WAPL: variants seen among roughly 807,000 people sequenced by gnomAD.
WAPL encodes the protein wings apart-like protein homolog.
Under a neutral mutation model 121.0 loss-of-function variants are expected in WAPL, and 5 were observed. The ratio of observed to expected loss-of-function variants is 0.04; its 90% CI spans 0.02 to 0.09. The LOEUF is 0.09. Among genes scored for constraint, WAPL ranks in the 10% least tolerant of loss-of-function variants. WAPL has a pLI of 1.00. For synonymous variants in WAPL, 480 were observed against 481.5 expected (o/e 1.00, Z 0.04); for missense variants, 999 against 1,410.8 (o/e 0.71, Z 4.68).
intron 4 of WAPL, among the ~76,000 whole-genome samples, chr10:86,493,713 G>T: frequency 6.7e-6 from 1 of 148,812 alleles, no homozygotes; most frequent in East Asian, 2.0e-4. Flanking sequence ...TTTTTTTTAA[G>T]AGATGGGGCC....
At chr10:86,492,495 T>C (rs867227779) in intron 4 of WAPL, among the ~76,000 whole-genome samples, 2 of 152,142 alleles carry the variant, frequency 1.3e-5, no homozygotes, top group African/African-American at 4.8e-5. Flanking sequence ...ATCACAACCT[T>C]AACTAGGTGG....
Position 86,473,967 on chromosome 10 carries a change from T to G in WAPL, c.1651A>C (p.Thr551Pro), listed in dbSNP as rs769867439. ...TGTCTGGCATTATATACAGCTTTTGTGGGTGACTAGAGAAATGAGAGAAAG... is the reference window on the plus strand; with the variant it reads ...TGTCTGGCATTATATACAGCTTTTGGGGGTGACTAGAGAAATGAGAGAAAG... ...KIFSGPKRSP[T>P]KAVYNARHWN... is the part of the protein sequence containing the mutation. The change falls in exon 5 of 19, where the codon ACA becomes CCA. Residue 551 changes from threonine (T) to proline (P), a missense_variant. Transcript: ENST00000298767. The G allele has an allele frequency of 6.2e-7, 1 of 1,613,742 alleles. No individual in the cohort carries two copies. Among genetic ancestry groups the G allele is most frequent in the Non-Finnish European group, 8.5e-7 (1 of 1,179,746 alleles).
intron 16 of WAPL, among the ~76,000 whole-genome samples, chr10:86,444,553 AAAG>A (rs1349074142): frequency 1.3e-5 from 2 of 152,214 alleles, no homozygotes; most frequent in Non-Finnish European, 2.9e-5. Context: ...CTGCTGGCTG[AAAG>A]AAGCCAGTCA....
intron 9 of WAPL, among the ~76,000 whole-genome samples, chr10:86,464,175 TCTA>T (rs1330061022): frequency 6.6e-6 from 1 of 152,130 alleles, no homozygotes; most frequent in African/African-American, 2.4e-5. Context: ...ACACAGTAAA[TCTA>T]CTGTACAATT....
chr10:86,518,952 C>T (rs1166677282), intron 1 of WAPL, among the ~76,000 whole-genome samples: 2 of 152,156 alleles, frequency 1.3e-5, no homozygotes, highest in African/African-American at 2.4e-5. Context: ...TATCCTTATC[C>T]TATCTGCCTT....
intron 3 of WAPL, among the ~76,000 whole-genome samples, chr10:86,497,618 G>A (rs760788905): frequency 3.6e-4 from 55 of 152,096 alleles, no homozygotes; most frequent in Admixed American, 7.9e-4. Flanking sequence ...TCTTACTTCC[G>A]AGAGGTCACA....
At chr10:86,444,253 A>G (rs994006303) in intron 16 of WAPL, among the ~76,000 whole-genome samples, 1 of 152,220 alleles carries the variant, frequency 6.6e-6, no homozygotes, top group Non-Finnish European at 1.5e-5. Flanking sequence ...ATGGGAATGT[A>G]AAATAGTGCA....
intron 12 of WAPL, among the ~76,000 whole-genome samples, chr10:86,457,048 CA>C (rs1453848157): frequency 6.6e-6 from 1 of 151,926 alleles, no homozygotes; most frequent in East Asian, 1.9e-4. Flanking sequence ...ATGAAGTATA[CA>C]AAAGAGATAT....
chr10:86,464,743 T>A lies in WAPL; in HGVS notation c.2370+2536A>T, dbSNP rs6586014. Reference sequence around the variant, plus strand: ...CCCAGCTATTCAAGAGGCTGATGCATGAGAATCATTTGAACCTGGGAGGTA... The same window carrying A: ...CCCAGCTATTCAAGAGGCTGATGCAAGAGAATCATTTGAACCTGGGAGGTA... On this transcript the variant is annotated intron_variant, in intron 9 of 18. Transcript: ENST00000298767. 4.6e-5 allele frequency among the ~76,000 whole-genome samples: 7 copies of A among 152,318 alleles called. No homozygotes were observed. In the South Asian group the frequency reaches 1.5e-3, roughly 32 times the overall value.
chr10:86,459,930 A>G (rs868632848), intron 11 of WAPL, among the ~76,000 whole-genome samples: 2 of 152,192 alleles, frequency 1.3e-5, no homozygotes, highest in South Asian at 4.1e-4. Context: ...CCTGGCCAAC[A>G]TGGCAAAACC....
chr10:86,500,830 A>G (rs1842234903), intron 2 of WAPL, 87 bp from the exon 3 acceptor site: 1 of 1,107,130 alleles, frequency 9.0e-7, no homozygotes, highest in South Asian at 1.7e-5. Flanking sequence ...TCAATAGTAT[A>G]TGATCAATCT....
At chr10:86,509,430 A>T (rs748574865) in intron 2 of WAPL, among the ~76,000 whole-genome samples, 2 of 152,148 alleles carry the variant, frequency 1.3e-5, no homozygotes, top group Non-Finnish European at 2.9e-5. Flanking sequence ...CCCAGGTTAA[A>T]TATCAGCCTT....
intron 4 of WAPL, among the ~76,000 whole-genome samples, chr10:86,492,385 T>A (rs1026412317): frequency 6.6e-6 from 1 of 152,150 alleles, no homozygotes; most frequent in African/African-American, 2.4e-5. Flanking sequence ...AAGACAATAA[T>A]GGGGAACAGG....
At chr10:86,520,765 T>G (rs1842659127) in intron 1 of WAPL, among the ~76,000 whole-genome samples, 1 of 67,060 alleles carries the variant, frequency 1.5e-5, no homozygotes, top group Admixed American at 1.4e-4. Context: ...GCGCTGTGAT[T>G]TAAAAAAAAA....
intron 2 of WAPL, among the ~76,000 whole-genome samples, chr10:86,515,060 G>C (rs1012530906): frequency 3.3e-5 from 5 of 152,080 alleles, no homozygotes; most frequent in African/African-American, 1.2e-4. Flanking sequence ...AGGAGTTCTA[G>C]ACCAGCCGGG....
In WAPL at chr10:86,440,521, G is replaced by A. The variant is rs188997000; in HGVS notation, c.3412-2506C>T. ...TCACCGTGTTAGCCAGGATGGTCTCGATCTCCTGACCTTGTGATCTGCCCA... is the reference window on the plus strand; with the variant it reads ...TCACCGTGTTAGCCAGGATGGTCTCAATCTCCTGACCTTGTGATCTGCCCA... On this transcript the variant is annotated intron_variant, in intron 17 of 18. Coordinates refer to ENST00000298767, the MANE Select transcript of WAPL (RefSeq NM_015045.5). 5.4e-3 allele frequency among the ~76,000 whole-genome samples: 824 copies of A among 151,910 alleles called. 20 individuals are homozygous for A. Among genetic ancestry groups the A allele is most frequent in the East Asian group, 6.0e-3 (31 of 5,160 alleles).
chr10:86,494,809 C>T (rs1428134470), intron 4 of WAPL, among the ~76,000 whole-genome samples: 1 of 152,162 alleles, frequency 6.6e-6, no homozygotes, highest in Non-Finnish European at 1.5e-5. Flanking sequence ...CAAGTTGCAA[C>T]TAATCATCAA....
chr10:86,437,477 A>C lies in WAPL; in HGVS notation c.*66T>G. ...TATATCTTCAAGGACTTCTTTCATG[A>C]CTTGACTTTTCTTTGTCTAAGGATA... On this transcript the variant is annotated 3_prime_UTR_variant, in exon 19 of 19. Coordinates refer to ENST00000298767, the MANE Select transcript of WAPL (RefSeq NM_015045.5). 1 of 1,534,954 alleles carries C rather than the reference A, an allele frequency of 6.5e-7. No individual in the cohort carries two copies.
chr10:86,452,340 C>T (rs1209633628), intron 14 of WAPL, among the ~76,000 whole-genome samples: 1 of 152,012 alleles, frequency 6.6e-6, no homozygotes, highest in Non-Finnish European at 1.5e-5. Context: ...GCCTGTAATC[C>T]CAGCACTTTG....
Sources: allele counts gnomAD v4.1 joint callset (sites outside exome capture counted in the v4.1 genomes callset), GRCh38; gene constraint gnomAD v4.1.1; transcripts MANE v1.5; gene names NCBI Gene and HGNC (gene_info 2026-07-23, HGNC 2026-07-21).